HERC2: variants seen among roughly 807,000 people sequenced by gnomAD.
HERC2 encodes the protein E3 ubiquitin-protein ligase HERC2.
HERC2 carries 102 observed loss-of-function variants against 537.7 expected under a neutral mutation model. The observed-to-expected ratio is 0.19, with a 90% CI of 0.16 to 0.22. The LOEUF is 0.22. HERC2 is among the 10% of genes least tolerant of loss of function. HERC2 has a pLI of 1.00. For missense variants in HERC2, 4,236 were observed against 6,198.2 expected, an observed-to-expected ratio of 0.68 and a Z score of 10.63; for synonymous variants, 2,224 against 2,466.2, an observed-to-expected ratio of 0.90 and a Z score of 2.91.
At chr15:28,198,341 G>A (rs1448663752) in intron 50 of HERC2, 37 bp downstream of exon 50, 6 of 1,601,220 alleles carry the variant, frequency 3.7e-6, no homozygotes, top group Non-Finnish European at 3.4e-6. Flanking sequence ...TTAATGAAAA[G>A]TTAACATCAG....
At chr15:28,135,997 TA>T (rs1233150266) in intron 78 of HERC2, among the ~76,000 whole-genome samples, 9 of 151,266 alleles carry the variant, frequency 5.9e-5, no homozygotes, top group East Asian at 5.8e-4. Flanking sequence ...CCAAGAAAAA[TA>T]AAAAACAATT....
At position 28,143,980 on chromosome 15, in the gene HERC2, T is replaced by G. The variant is rs533844255; in HGVS notation, c.11311A>C (p.Arg3771=). The part of the protein sequence containing the change: ...AQLSALAASH[R]MWALQRLRKL... The stretch of plus-strand genomic sequence containing the variant: ...CTCAGTCTCTGAAGGGCCCACATTC[T>G]GTGACTGGCAGCTGAAATGAGCAGA... The change falls in exon 74 of 93, where the codon AGA becomes CGA. Residue 3771 remains arginine, a synonymous_variant. Transcript: ENST00000261609. The G allele has an allele frequency of 4.3e-6, 7 of 1,614,180 alleles. No individual in the cohort carries two copies. In the South Asian group the frequency reaches 7.7e-5, roughly 18 times the overall value.
chr15:28,269,680 A>G (rs2075665632), intron 10 of HERC2, among the ~76,000 whole-genome samples: 1 of 152,242 alleles, frequency 6.6e-6, no homozygotes, highest in Admixed American at 6.5e-5. Context: ...AAAAAGTACT[A>G]TAAATGGCCC....
At chr15:28,115,596 C>T in intron 88 of HERC2, 55 bp from the exon 89 acceptor site, 1 of 1,316,512 alleles carries the variant, frequency 7.6e-7, no homozygotes, top group Non-Finnish European at 1.1e-6. Context: ...GACAAAACTT[C>T]CCGCTCACTC....
intron 23 of HERC2, among the ~76,000 whole-genome samples, chr15:28,243,345 T>C (rs1903324166): frequency 6.6e-6 from 1 of 152,148 alleles, no homozygotes; most frequent in South Asian, 2.1e-4. Context: ...AAGAAAAAGA[T>C]TTCTTAAGGC....
At chr15:28,286,755 A>G (rs537558778) in intron 4 of HERC2, among the ~76,000 whole-genome samples, 5 of 152,194 alleles carry the variant, frequency 3.3e-5, no homozygotes, top group Admixed American at 6.5e-5. Flanking sequence ...ACTCCCCTAA[A>G]AGATTACAAC....
chr15:28,259,860 C>T (rs1426243141), intron 16 of HERC2, among the ~76,000 whole-genome samples: 1 of 150,322 alleles, frequency 6.7e-6, no homozygotes, highest in Non-Finnish European at 1.5e-5. Context: ...CCCAGCTACT[C>T]AGGAGGCTGA....
chr15:28,220,892 G>A (rs550788264), intron 36 of HERC2, among the ~76,000 whole-genome samples: 1 of 143,790 alleles, frequency 7.0e-6, no homozygotes, highest in Non-Finnish European at 1.5e-5. Flanking sequence ...TCAGTTAGGA[G>A]GGTGCATGCC....
Position 28,238,651 on chromosome 15 carries a change from A to G in HERC2, c.3699T>C (p.Tyr1233=). 1.2e-6 allele frequency: 2 copies of G among 1,611,690 alleles called. No homozygotes were observed. The highest frequency in any genetic ancestry group is 1.7e-6 in the Non-Finnish European group (2 of 1,179,608). ...GFWTVIDGKV[Y]DIKDFQTQSL... ...ACTGTGTCTGGAAGTCCTTTATATC[A>G]TACACCTTCCCGTCAATCACAGTCC... Residue 1233 remains tyrosine (Y), a synonymous_variant, in exon 24 of 93, where the codon TAT becomes TAC. Transcript: ENST00000261609.
chr15:28,159,178 T>G (rs1893318830), intron 69 of HERC2, among the ~76,000 whole-genome samples: 1 of 152,214 alleles, frequency 6.6e-6, no homozygotes, highest in African/African-American at 2.4e-5. Context: ...CATTTTTTCC[T>G]TCATTTCAAC....
chr15:28,134,000 C>T (rs1203436788), intron 79 of HERC2, among the ~76,000 whole-genome samples: 1 of 152,176 alleles, frequency 6.6e-6, no homozygotes, highest in African/African-American at 2.4e-5. Context: ...TTTTATGCTC[C>T]GCTTATCAAT....
intron 2 of HERC2, among the ~76,000 whole-genome samples, chr15:28,310,125 C>T (rs1452957408): frequency 1.3e-5 from 2 of 152,192 alleles, no homozygotes; most frequent in African/African-American, 4.8e-5. Context: ...GGCAACATAG[C>T]AAGACCGTCT....
rs772677689 is a variant in HERC2, at chr15:28,198,381, T to G, written c.8008A>C (p.Lys2670Gln). 1.9e-6 allele frequency: 3 copies of G among 1,611,680 alleles called. No homozygotes were observed. The highest frequency in any genetic ancestry group is 1.1e-5 in the South Asian group (1 of 90,752). Reference sequence around the variant, plus strand: ...TTTATTACCCAGATAATATTACCTTTCACAACCCCCACACTCTGATGAGTC... The same window carrying G: ...TTTATTACCCAGATAATATTACCTTGCACAACCCCCACACTCTGATGAGTC... The part of the protein sequence containing the change: ...SVTHQSVGVV[K>Q]AFSANGKDII... The change falls in exon 50 of 93, where the codon AAA (lysine) becomes CAA (glutamine). Residue 2670 changes from lysine (K) to glutamine (Q), a missense_variant. Physicochemically the swap from Lys to Gln is moderately conservative, Grantham distance 53. This residue lies in a region of HERC2 where 606 missense variants were observed against 884.5 expected (regional missense o/e 0.69). Coordinates refer to ENST00000261609, the MANE Select transcript of HERC2 (RefSeq NM_004667.6).
intron 45 of HERC2, 75 bp from the exon 46 acceptor site, chr15:28,202,689 T>C (rs1257754165): frequency 6.3e-6 from 3 of 475,324 alleles, no homozygotes; most frequent in Non-Finnish European, 1.1e-5. Flanking sequence ...AACACAGGGG[T>C]GATGGCCTTC....
Position 28,117,169 on chromosome 15 carries a change from G to A in HERC2, c.13273-15C>T, listed in dbSNP as rs910772504. 6.2e-7 allele frequency: 1 copy of A among 1,613,332 alleles called. No homozygotes were observed. Among genetic ancestry groups the A allele is most frequent in the Non-Finnish European group, 8.5e-7 (1 of 1,179,644 alleles). The stretch of plus-strand genomic sequence containing the variant: ...GATCGTTTGACCTGGAGAGGAGGAA[G>A]CAAGCAAGCGTGAGGCCGCTGCCGC... On this transcript the variant is annotated splice_polypyrimidine_tract_variant and intron_variant, in intron 86 of 92. Transcript: ENST00000261609.
chr15:28,128,912 C>T (rs530358519), intron 83 of HERC2, among the ~76,000 whole-genome samples: 1 of 152,186 alleles, frequency 6.6e-6, no homozygotes, highest in Admixed American at 6.5e-5. Flanking sequence ...TGTTCCTCCA[C>T]GAAAGCCAGC....
At chr15:28,225,591 G>A (rs1307926923) in intron 35 of HERC2, among the ~76,000 whole-genome samples, 8 of 151,376 alleles carry the variant, frequency 5.3e-5, no homozygotes, top group African/African-American at 1.2e-4. Context: ...CCAGCTACTC[G>A]GGAGGCTGAG....
chr15:28,242,150 C>T (rs1903191711), intron 23 of HERC2, among the ~76,000 whole-genome samples: 1 of 152,226 alleles, frequency 6.6e-6, no homozygotes, highest in Admixed American at 6.5e-5. Flanking sequence ...ATGGTAGTTG[C>T]CAGGTGCTAG....
chr15:28,275,637 C>T (rs186764681), intron 5 of HERC2, among the ~76,000 whole-genome samples: 1 of 152,134 alleles, frequency 6.6e-6, no homozygotes, highest in Admixed American at 6.5e-5. Context: ...TCATCCTGTA[C>T]AAGAGAGAAA....
Sources: gnomAD v4.1 joint callset for allele counts (sites outside exome capture counted in the v4.1 genomes callset) on GRCh38, gnomAD v4.1.1 for gene constraint, gnomAD v4.1.1 regional missense constraint, MANE v1.5 for transcripts, NCBI Gene and HGNC (gene_info 2026-07-23, HGNC 2026-07-21) for gene names.